Variants in TRIO observed in about 807,000 individuals in gnomAD.
TRIO encodes the protein trio Rho guanine nucleotide exchange factor.
A neutral mutation model predicts 351.9 loss-of-function variants in TRIO; 58 were observed. The ratio of observed to expected loss-of-function variants is 0.16; its 90% CI spans 0.13 to 0.21. The LOEUF (loss-of-function observed/expected upper bound fraction) is 0.21. Among genes scored for constraint, TRIO ranks in the 10% least tolerant of loss-of-function variants. The pLI, the probability that TRIO is intolerant of heterozygous loss-of-function variation, is 1.00. For missense variants in TRIO, 3,201 were observed against 4,027.8 expected (o/e 0.79, Z 5.56); for synonymous variants, 1,758 against 1,595.7 (o/e 1.10, Z -2.42).
intron 1 of TRIO, among the ~76,000 whole-genome samples, chr5:14,163,042 G>A (rs1029604867): frequency 1.3e-5 from 2 of 152,132 alleles, no homozygotes; most frequent in African/African-American, 4.8e-5. Context: ...TACATGTGCA[G>A]AACGTGCAGG....
intron 1 of TRIO, among the ~76,000 whole-genome samples, chr5:14,224,071 A>C (rs1020348375): frequency 3.3e-5 from 5 of 152,148 alleles, no homozygotes; most frequent in Non-Finnish European, 7.4e-5. Context: ...TATGCTACCA[A>C]ATCATGTTTT....
In TRIO at chr5:14,502,758, A is replaced by G. The variant is rs27094; in HGVS notation, c.8411+101A>G. The stretch of plus-strand genomic sequence containing the variant: ...GCTAAGCAGTGTTATCTTGCCAGCA[A>G]TTGGAAGCTGTGTGTCTTGCATTTG... On this transcript the variant is annotated intron_variant, in intron 54 of 56. Transcript: ENST00000344204. 5,962 of 1,133,100 alleles carry G rather than the reference A, an allele frequency of 5.3e-3. 274 individuals are homozygous for G. In the East Asian group the frequency reaches 0.11, roughly 21 times the overall value. 70.2% of individuals were successfully genotyped at this position (1,133,100 alleles called of 1,614,324 possible). A position where few individuals can be genotyped will look rare whatever the true frequency, so the allele number is the denominator to read the frequency against.
At chr5:14,227,797 A>G (rs1031686103) in intron 1 of TRIO, among the ~76,000 whole-genome samples, 2 of 152,368 alleles carry the variant, frequency 1.3e-5, no homozygotes, top group East Asian at 3.9e-4. Flanking sequence ...ATTTAGGGAA[A>G]CAACTTTAGC....
Position 14,468,436 on chromosome 5 carries a change from C to T in TRIO, c.5763+2796C>T, listed in dbSNP as rs188404512. On this transcript the variant is annotated intron_variant, in intron 37 of 56. Coordinates refer to ENST00000344204, the MANE Select transcript of TRIO (RefSeq NM_007118.4). ...ACCAGGTTTCATCCACATGGGTGTT[C>T]ACTGGTGCCTTCCCCTCCCTTGGGA... Among the ~76,000 whole-genome samples the T allele has an allele frequency of 3.9e-5, 6 of 152,362 alleles. No homozygotes were observed. The East Asian group carries it at 1.2e-3, about 29-fold the overall frequency.
chr5:14,405,779 T>C, intron 31 of TRIO, 69 bp from the exon 32 acceptor site: 1 of 1,491,408 alleles, frequency 6.7e-7, no homozygotes, highest in Non-Finnish European at 9.0e-7. Context: ...GCAGGAAACC[T>C]GGGTGTGGTT....
At chr5:14,351,810 C>T (rs549877189) in intron 11 of TRIO, among the ~76,000 whole-genome samples, 1 of 152,308 alleles carries the variant, frequency 6.6e-6, no homozygotes, top group South Asian at 2.1e-4. Flanking sequence ...TTGTACCCCA[C>T]TGGGGAGCAC....
chr5:14,306,544 A>G (rs1444137364), intron 8 of TRIO, among the ~76,000 whole-genome samples: 1 of 152,236 alleles, frequency 6.6e-6, no homozygotes, highest in African/African-American at 2.4e-5. Flanking sequence ...GCCTCCACTC[A>G]TCTGCTTATA....
At chr5:14,194,433 C>T (rs2152157856) in intron 1 of TRIO, among the ~76,000 whole-genome samples, 1 of 152,242 alleles carries the variant, frequency 6.6e-6, no homozygotes, top group South Asian at 2.1e-4. Flanking sequence ...TATACAGGTG[C>T]TCCATTAGGT....
intron 19 of TRIO, among the ~76,000 whole-genome samples, chr5:14,377,064 G>A (rs1239871458): frequency 6.6e-6 from 1 of 151,800 alleles, no homozygotes; most frequent in African/African-American, 2.4e-5. Context: ...TATGTCATAT[G>A]TTCCCAATGC....
chr5:14,234,897 C>T (rs1009535052), intron 1 of TRIO, among the ~76,000 whole-genome samples: 2 of 151,956 alleles, frequency 1.3e-5, no homozygotes, highest in Admixed American at 6.6e-5. Context: ...GTCTTTAGTC[C>T]GGAATGTTAA....
intron 55 of TRIO, among the ~76,000 whole-genome samples, chr5:14,505,970 C>G (rs1383420464): frequency 6.6e-6 from 1 of 152,228 alleles, no homozygotes; most frequent in Non-Finnish European, 1.5e-5. Context: ...ATTTCTCACC[C>G]TGGTGTCCTT....
At chr5:14,348,575 G>A (rs1320516966) in intron 11 of TRIO, among the ~76,000 whole-genome samples, 4 of 152,298 alleles carry the variant, frequency 2.6e-5, no homozygotes, top group Middle Eastern at 3.4e-3. Flanking sequence ...TTTTTCCTGC[G>A]TGTATATGCA....
rs552544751 is a variant in TRIO, at chr5:14,203,819, G to T, written c.157+59937G>T. 4.6e-5 allele frequency among the ~76,000 whole-genome samples: 7 copies of T among 152,318 alleles called. No individual in the cohort carries two copies. The East Asian group carries it at 1.2e-3, about 25-fold the overall frequency. On this transcript the variant is annotated intron_variant, in intron 1 of 56. Coordinates refer to ENST00000344204, the MANE Select transcript of TRIO (RefSeq NM_007118.4). ...CCTTTTCTCAGCAGACCAGGGAAAGGGGTGGGGGTGGGCTGATGGCTTATT... is the reference window on the plus strand; with the variant it reads ...CCTTTTCTCAGCAGACCAGGGAAAGTGGTGGGGGTGGGCTGATGGCTTATT...
At chr5:14,293,200 C>T (rs1012423306) in intron 6 of TRIO, 66 bp downstream of exon 6, 2 of 1,607,482 alleles carry the variant, frequency 1.2e-6, no homozygotes, top group African/African-American at 2.7e-5. Context: ...AGGCATTTGG[C>T]AAATTGTATG....
At chr5:14,485,563 C>T (rs1382535714) in intron 47 of TRIO, among the ~76,000 whole-genome samples, 4 of 152,208 alleles carry the variant, frequency 2.6e-5, no homozygotes, top group African/African-American at 7.2e-5. Flanking sequence ...CTCGCAGCTA[C>T]ACTGTCCCAC....
At position 14,359,505 on chromosome 5, in the gene TRIO, C is replaced by T. The variant is rs1222994738; in HGVS notation, c.2365C>T (p.Arg789Cys). Residue 789 changes from arginine (R) to cysteine (C), a missense_variant, in exon 13 of 57, where the codon CGC becomes TGC. By Grantham distance (180) the Arg-to-Cys change is radical. Around this residue, in one of 19 missense-constraint regions of TRIO, gnomAD observed 363 missense variants for 553.5 expected, o/e 0.66. Coordinates refer to ENST00000344204, the MANE Select transcript of TRIO (RefSeq NM_007118.4). ...CAAGCTGGAGCTCTTCCTGCAGCTG[C>T]GCATCTTCGAGAGGGACGCCATCGA... ...KIKLELFLQLRIFERDAIDII... is the reference protein window; with the variant it reads ...KIKLELFLQLCIFERDAIDII... The T allele has an allele frequency of 2.5e-6, 4 of 1,614,070 alleles. No individual in the cohort carries two copies. The highest frequency in any genetic ancestry group is 3.4e-6 in the Non-Finnish European group (4 of 1,179,994).
At chr5:14,366,779 C>T in intron 15 of TRIO, 81 bp from the exon 16 acceptor site, 1 of 1,591,186 alleles carries the variant, frequency 6.3e-7, no homozygotes, top group Non-Finnish European at 8.6e-7. Context: ...GACTATCTTG[C>T]ACGCTTGTAT....
intron 13 of TRIO, among the ~76,000 whole-genome samples, chr5:14,360,807 G>A (rs1447360812): frequency 1.3e-5 from 2 of 152,198 alleles, no homozygotes; most frequent in African/African-American, 4.8e-5. Flanking sequence ...CACTGTTTTC[G>A]TTAACAACAG....
chr5:14,328,000 T>C (rs1018816779), intron 9 of TRIO, among the ~76,000 whole-genome samples: 1 of 152,234 alleles, frequency 6.6e-6, no homozygotes, highest in Admixed American at 6.5e-5. Flanking sequence ...TAGGACTCTC[T>C]TTTTAATCCC....
Sources: gnomAD v4.1 joint callset for allele counts (sites outside exome capture counted in the v4.1 genomes callset) on GRCh38, gnomAD v4.1.1 for gene constraint, gnomAD v4.1.1 regional missense constraint, MANE v1.5 for transcripts, NCBI Gene and HGNC (gene_info 2026-07-23, HGNC 2026-07-21) for gene names.